Variants in GATM observed in about 807,000 individuals in gnomAD.
GATM encodes glycine amidinotransferase, mitochondrial.
Under a neutral mutation model 54.2 loss-of-function variants are expected in GATM, and 23 were observed. The observed-to-expected ratio is 0.42, with a 90% CI of 0.31 to 0.60. The LOEUF is 0.60. Ranked by LOEUF, GATM falls within the 20% of genes least tolerant of loss-of-function variation. The probability of loss-of-function intolerance (pLI) is 0.14; values close to 1 mark genes in which losing one functional copy is unlikely to be tolerated. For missense variants in GATM, 401 were observed against 544.9 expected (o/e 0.74, Z 2.63); for synonymous variants, 168 against 183.1 (o/e 0.92, Z 0.67).
In GATM at chr15:45,368,368, T is replaced by C. The variant is rs1473708111; in HGVS notation, c.485-108A>G. 2.8e-5 allele frequency: 26 copies of C among 928,906 alleles called. No homozygotes were observed. The highest frequency in any genetic ancestry group is 3.9e-5 in the Non-Finnish European group (23 of 585,582). 57.5% of individuals were successfully genotyped at this position (928,906 alleles called of 1,614,324 possible). A position where few individuals can be genotyped will look rare whatever the true frequency, so the allele number is the denominator to read the frequency against. Reference sequence around the variant, plus strand: ...GGCTCATGCCTGTAATCCCACCACTTTGGGAGGCCAAGACGGGCGGATCAC... The same window carrying C: ...GGCTCATGCCTGTAATCCCACCACTCTGGGAGGCCAAGACGGGCGGATCAC... On this transcript the variant is annotated intron_variant, in intron 3 of 8. Transcript: ENST00000396659. This position sits in a 1 kb window ranked among gnomAD's most constrained non-coding sequence, Gnocchi z 5.1.
At chr15:45,401,517 C>G (rs1329430322) in intron 1 of GATM, among the ~76,000 whole-genome samples, 1 of 151,842 alleles carries the variant, frequency 6.6e-6, no homozygotes, top group Admixed American at 6.6e-5. Context: ...AAAATGTATT[C>G]CAGCTGATAA....
At chr15:45,390,063 G>A (rs1889852813) in intron 3 of GATM, among the ~76,000 whole-genome samples, 1 of 152,048 alleles carries the variant, frequency 6.6e-6, no homozygotes, top group African/African-American at 2.4e-5. Context: ...TGTTGGTCAG[G>A]CTGGTCTCAA....
At chr15:45,383,244 C>A (rs1250599618), upstream of GATM, among the ~76,000 whole-genome samples, 1 of 152,216 alleles carries the variant, frequency 6.6e-6, no homozygotes, top group Non-Finnish European at 1.5e-5. Context: ...CCTTACGAGT[C>A]ATTTTAGGAT....
At chr15:45,372,136 T>C (rs1889554773) in intron 2 of GATM, among the ~76,000 whole-genome samples, 1 of 152,242 alleles carries the variant, frequency 6.6e-6, no homozygotes, top group South Asian at 2.1e-4. Flanking sequence ...CTTGTTTTTG[T>C]AAATAAAGTT....
At chr15:45,401,448 T>C (rs1890005474) in intron 1 of GATM, among the ~76,000 whole-genome samples, 1 of 152,110 alleles carries the variant, frequency 6.6e-6, no homozygotes, top group Admixed American at 6.5e-5. Flanking sequence ...AAAAACAAGG[T>C]ATATCTTCTT....
At chr15:45,373,490 G>A (rs557702983) in intron 2 of GATM, among the ~76,000 whole-genome samples, 7 of 150,630 alleles carry the variant, frequency 4.6e-5, no homozygotes, top group African/African-American at 7.3e-5. Flanking sequence ...GCGAGACAGC[G>A]AGATTCCATC....
At chr15:45,365,315 A>G (rs1002123975) in intron 6 of GATM, among the ~76,000 whole-genome samples, 1 of 152,210 alleles carries the variant, frequency 6.6e-6, no homozygotes, top group African/African-American at 2.4e-5. Flanking sequence ...TCAAAGAACC[A>G]TATTGTCCTT....
upstream of GATM, among the ~76,000 whole-genome samples, chr15:45,382,509 A>T (rs1325836064): frequency 6.6e-6 from 1 of 152,052 alleles, no homozygotes. Context: ...TAAAAATACA[A>T]AAATTAGCCA....
intron 2 of GATM, among the ~76,000 whole-genome samples, chr15:45,374,766 T>C (rs1024539989): frequency 1.5e-4 from 23 of 152,234 alleles, no homozygotes; most frequent in African/African-American, 5.5e-4. Flanking sequence ...GAAAGGAAGA[T>C]CTTTTATATT....
intron 2 of GATM, among the ~76,000 whole-genome samples, chr15:45,370,515 C>G (rs1010702946): frequency 6.6e-6 from 1 of 152,100 alleles, no homozygotes; most frequent in Admixed American, 6.5e-5. Context: ...ATGCCTCATA[C>G]CAACCACACC....
At chr15:45,362,808 T>C (rs377454677) in intron 8 of GATM, among the ~76,000 whole-genome samples, 6 of 152,352 alleles carry the variant, frequency 3.9e-5, no homozygotes, top group South Asian at 2.1e-4. Context: ...ATGATGTGCA[T>C]GGCCTATTTA....
intron 3 of GATM, among the ~76,000 whole-genome samples, chr15:45,384,790 C>A (rs1889786994): frequency 6.6e-6 from 1 of 152,042 alleles, no homozygotes; most frequent in Admixed American, 6.6e-5. Context: ...CTCACTGCAG[C>A]CTTGACCTCC....
At chr15:45,367,071 T>C (rs1380099964) in intron 4 of GATM, among the ~76,000 whole-genome samples, 1 of 152,184 alleles carries the variant, frequency 6.6e-6, no homozygotes, top group Non-Finnish European at 1.5e-5. Context: ...CCAGGTGAGA[T>C]GGCTCATGCC....
In GATM at chr15:45,378,480, G is replaced by A; in HGVS notation, c.-27C>T. Reference sequence around the variant, plus strand: ...GCCCTGGCCCGGCTGGTCCACGCGCGGAATGTTCCTGGCCTCTGGGCCGCG... The same window carrying A: ...GCCCTGGCCCGGCTGGTCCACGCGCAGAATGTTCCTGGCCTCTGGGCCGCG... On this transcript the variant is annotated 5_prime_UTR_variant, in exon 1 of 9. Transcript: ENST00000396659. 2.1e-6 allele frequency: 3 copies of A among 1,418,134 alleles called. No homozygotes were observed. The highest frequency in any genetic ancestry group is 1.5e-5 in the South Asian group (1 of 67,644). The allele number at this position is 1,418,134 out of a possible 1,614,324, so 87.8% of individuals were successfully genotyped here.
chr15:45,373,876 G>A (rs1463534462), intron 2 of GATM, among the ~76,000 whole-genome samples: 1 of 152,060 alleles, frequency 6.6e-6, no homozygotes, highest in Non-Finnish European at 1.5e-5. Context: ...TAGAATCAAA[G>A]AGAGAAAGAG....
At chr15:45,365,650 C>T (rs1036735717) in intron 6 of GATM, among the ~76,000 whole-genome samples, 6 of 152,224 alleles carry the variant, frequency 3.9e-5, no homozygotes, top group African/African-American at 1.2e-4. Flanking sequence ...GGCTACCCCA[C>T]TGTAGAGGGA....
intron 1 of GATM, among the ~76,000 whole-genome samples, chr15:45,400,347 G>C (rs1437366076): frequency 6.6e-6 from 1 of 152,226 alleles, no homozygotes; most frequent in Non-Finnish European, 1.5e-5. Context: ...TAGACCTAAA[G>C]GGACAGAATG....
chr15:45,375,919 T>C (rs755061754), intron 2 of GATM, among the ~76,000 whole-genome samples: 1 of 152,082 alleles, frequency 6.6e-6, no homozygotes, highest in Non-Finnish European at 1.5e-5. Flanking sequence ...GAGTGACCAG[T>C]TAGGAGTTAA....
At chr15:45,391,354 T>C (rs757971667) in intron 3 of GATM, among the ~76,000 whole-genome samples, 4 of 151,984 alleles carry the variant, frequency 2.6e-5, no homozygotes, top group Admixed American at 6.6e-5. Context: ...GGAGGTTGCA[T>C]TGAGCCAAGA....
Sources: allele counts gnomAD v4.1 joint callset (sites outside exome capture counted in the v4.1 genomes callset), GRCh38; gene constraint gnomAD v4.1.1; non-coding constraint Gnocchi (gnomAD v3.1); transcripts MANE v1.5; gene names NCBI Gene and HGNC (gene_info 2026-07-23, HGNC 2026-07-21).